The following PRKN variants were observed in gnomAD, a reference collection of about 807,000 sequenced individuals.
PRKN encodes E3 ubiquitin-protein ligase parkin.
In PRKN, 56 loss-of-function variants were observed where a neutral mutation model predicts 59.5. The observed-to-expected ratio is 0.94, with a 90% CI of 0.76 to 1.18. The LOEUF (loss-of-function observed/expected upper bound fraction) is 1.18, where lower values mean the gene tolerates loss of function less well. Ranked by LOEUF, PRKN falls within the 50% of genes most tolerant of loss-of-function variation. The pLI is 0.00. For missense variants in PRKN, 657 were observed against 596.4 expected (o/e 1.10, Z -1.06); for synonymous variants, 250 against 222.1 (o/e 1.13, Z -1.12).
intron 6 of PRKN, among the ~76,000 whole-genome samples, chr6:161,820,426 A>G (rs1205010069): frequency 6.6e-6 from 1 of 150,384 alleles, no homozygotes; most frequent in Non-Finnish European, 1.5e-5. Context: ...TTTATTACAA[A>G]TAATTTTTTA....
Position 162,011,114 on chromosome 6 carries a change from T to A in PRKN, c.619-37697A>T, listed in dbSNP as rs367674102. ...TAATATATAATATATTTATAATATATAATATATTTATAATATATAATTATA... is the reference window on the plus strand; with the variant it reads ...TAATATATAATATATTTATAATATAAAATATATTTATAATATATAATTATA... On this transcript the variant is annotated intron_variant, in intron 5 of 11. Coordinates refer to ENST00000366898, the MANE Select transcript of PRKN (RefSeq NM_004562.3). Among the ~76,000 whole-genome samples the A allele has an allele frequency of 3.6e-3, 10 of 2,784 alleles. 3 individuals carry two copies. The highest frequency in any genetic ancestry group is 6.0e-3 in the Non-Finnish European group (10 of 1,668). 1.8% of individuals were successfully genotyped at this position (2,784 alleles called of 152,430 possible). A position where few individuals can be genotyped will look rare whatever the true frequency, so the allele number is the denominator to read the frequency against.
In PRKN at chr6:161,400,645, T is replaced by C. The variant is rs1393462184; in HGVS notation, c.1084-13768A>G. On this transcript the variant is annotated intron_variant, in intron 9 of 11. Coordinates refer to ENST00000366898, the MANE Select transcript of PRKN (RefSeq NM_004562.3). This position sits in a 1 kb window ranked among gnomAD's most constrained non-coding sequence, Gnocchi z 4.2. ...TAAACGTATTCTAAGACAAAGAAAT[T>C]CAGATTTTTTTTTTTTCGAATAAAG... 2.7e-5 allele frequency among the ~76,000 whole-genome samples: 4 copies of C among 150,564 alleles called. No homozygotes were observed. Among genetic ancestry groups the C allele is most frequent in the African/African-American group, 9.7e-5 (4 of 41,140 alleles).
At chr6:161,632,860 G>C (rs950011017) in intron 7 of PRKN, among the ~76,000 whole-genome samples, 1 of 152,166 alleles carries the variant, frequency 6.6e-6, no homozygotes, top group African/African-American at 2.4e-5. Context: ...CATGAGAATA[G>C]CATGGAAGTA....
intron 9 of PRKN, among the ~76,000 whole-genome samples, chr6:161,524,089 T>C (rs1778934171): frequency 1.3e-5 from 2 of 152,230 alleles, no homozygotes; most frequent in Non-Finnish European, 2.9e-5. Context: ...TTGTTTCCAC[T>C]ATTTTCTATT....
intron 9 of PRKN, among the ~76,000 whole-genome samples, chr6:161,387,153 T>C (rs1786290863): frequency 6.6e-6 from 1 of 152,172 alleles, no homozygotes; most frequent in Admixed American, 6.5e-5. Context: ...GACACAGTGA[T>C]ATGGTTTGGC....
At chr6:162,020,758 A>T (rs2128275245) in intron 5 of PRKN, among the ~76,000 whole-genome samples, 1 of 152,220 alleles carries the variant, frequency 6.6e-6, no homozygotes, top group Non-Finnish European at 1.5e-5. Flanking sequence ...CTACATTTTA[A>T]AATTTAGGAA....
At chr6:162,059,291 T>C (rs900926101) in intron 4 of PRKN, among the ~76,000 whole-genome samples, 102 of 150,160 alleles carry the variant, frequency 6.8e-4, no homozygotes, top group African/African-American at 2.4e-3. Context: ...TAAAACTGAA[T>C]GGAATTCTTT....
intron 4 of PRKN, among the ~76,000 whole-genome samples, chr6:162,111,456 C>T (rs888987052): frequency 4.8e-5 from 7 of 146,730 alleles, no homozygotes; most frequent in Non-Finnish European, 1.0e-4. Flanking sequence ...CAGAGTGAGA[C>T]TCTGTCTAAA....
In PRKN at chr6:161,578,935, T is replaced by G. The variant is rs1315403129; in HGVS notation, c.872-9519A>C. ...TCTTCCTTTGTTATTGACCTATATTTTGAGTGATTGTGATGATACATTTTA... is the reference window on the plus strand; with the variant it reads ...TCTTCCTTTGTTATTGACCTATATTGTGAGTGATTGTGATGATACATTTTA... On this transcript the variant is annotated intron_variant, in intron 7 of 11. Coordinates refer to ENST00000366898, the MANE Select transcript of PRKN (RefSeq NM_004562.3). This position sits in a 1 kb window ranked among gnomAD's most constrained non-coding sequence, Gnocchi z 4.2. 1.3e-5 allele frequency among the ~76,000 whole-genome samples: 2 copies of G among 152,228 alleles called. No homozygotes were observed. The highest frequency in any genetic ancestry group is 4.8e-5 in the African/African-American group (2 of 41,462).
intron 2 of PRKN, among the ~76,000 whole-genome samples, chr6:162,293,547 G>T (rs1484793996): frequency 6.6e-6 from 1 of 152,142 alleles, no homozygotes; most frequent in Admixed American, 6.5e-5. Context: ...CCCTGGAGAG[G>T]GCAGCTGTCC....
At chr6:161,667,062 A>T (rs1469547539) in intron 7 of PRKN, among the ~76,000 whole-genome samples, 1 of 152,208 alleles carries the variant, frequency 6.6e-6, no homozygotes, top group East Asian at 1.9e-4. Context: ...TGATTAACAC[A>T]GCCAAGGAAA....
chr6:162,580,383 G>C (rs929694101), intron 1 of PRKN, among the ~76,000 whole-genome samples: 1 of 151,322 alleles, frequency 6.6e-6, no homozygotes, highest in Non-Finnish European at 1.5e-5. Context: ...AGATTTCTTT[G>C]AGGAGTGATT....
intron 5 of PRKN, among the ~76,000 whole-genome samples, chr6:162,021,457 ATATAT>A (rs1483211975): frequency 1.6e-3 from 134 of 83,760 alleles, no homozygotes; most frequent in African/African-American, 5.7e-3. Context: ...ATATATATAT[ATATAT>A]TTTTTTTTTT....
chr6:162,418,661 T>TG (rs1398856017), intron 2 of PRKN, among the ~76,000 whole-genome samples: 3 of 145,704 alleles, frequency 2.1e-5, no homozygotes, highest in African/African-American at 5.3e-5. Flanking sequence ...TGCGTGTGTG[T>TG]TGAGGGGGGG....
chr6:161,408,893 C>T (rs1787398964), intron 9 of PRKN, among the ~76,000 whole-genome samples: 1 of 152,162 alleles, frequency 6.6e-6, no homozygotes, highest in South Asian at 2.1e-4. Context: ...CCAAGTAATT[C>T]ACAAGCATGC....
At chr6:161,994,139 T>C (rs373732421) in intron 5 of PRKN, among the ~76,000 whole-genome samples, 218 of 151,814 alleles carry the variant, frequency 1.4e-3, no homozygotes, top group African/African-American at 5.1e-3. Flanking sequence ...CATGATCAAG[T>C]GAGATTTTTC....
intron 7 of PRKN, among the ~76,000 whole-genome samples, chr6:161,719,391 A>T (rs1345939924): frequency 2.0e-5 from 3 of 152,152 alleles, no homozygotes; most frequent in African/African-American, 7.2e-5. Flanking sequence ...TCTGTGAAGG[A>T]CCAGCTAACC....
intron 6 of PRKN, among the ~76,000 whole-genome samples, chr6:161,922,288 T>C (rs1167795052): frequency 6.6e-6 from 1 of 152,162 alleles, no homozygotes; most frequent in African/African-American, 2.4e-5. Context: ...TCTTATGGTT[T>C]TGAAAAATAT....
chr6:161,900,841 TATATAATTACATATATA>T (rs1457803289), intron 6 of PRKN, among the ~76,000 whole-genome samples: 1 of 142,650 alleles, frequency 7.0e-6, no homozygotes, highest in Non-Finnish European at 1.5e-5. Flanking sequence ...TTGTATATTA[TATATAATTACATATATA>T]ATATATAATA....
Sources: allele counts gnomAD v4.1 joint callset (sites outside exome capture counted in the v4.1 genomes callset), GRCh38; gene constraint gnomAD v4.1.1; non-coding constraint Gnocchi (gnomAD v3.1); transcripts MANE v1.5; gene names NCBI Gene and HGNC (gene_info 2026-07-23, HGNC 2026-07-21).